Variants in SRD5A2 observed in about 807,000 individuals in gnomAD.
The protein encoded by SRD5A2 is 3-oxo-5-alpha-steroid 4-dehydrogenase 2.
In SRD5A2, 30 loss-of-function variants were observed where a neutral mutation model predicts 27.4. The observed-to-expected ratio is 1.10, with a 90% CI of 0.82 to 1.49. The LOEUF (loss-of-function observed/expected upper bound fraction) is 1.49, where lower values mean the gene tolerates loss of function less well. SRD5A2 is among the 40% of genes most tolerant of loss of function. SRD5A2 has a pLI of 0.00. For missense variants in SRD5A2, 348 were observed against 323.4 expected (o/e 1.08, Z -0.58); for synonymous variants, 141 against 133.6 (o/e 1.06, Z -0.38).
At chr2:31,583,838 C>T (rs760531452), upstream of SRD5A2, among the ~76,000 whole-genome samples, 3 of 151,940 alleles carry the variant, frequency 2.0e-5, no homozygotes, top group Non-Finnish European at 4.4e-5. Context: ...CAGATCCCTA[C>T]AAACAGAAGA....
intron 1 of SRD5A2, among the ~76,000 whole-genome samples, chr2:31,572,379 T>A (rs1666869689): frequency 1.3e-5 from 2 of 152,298 alleles, no homozygotes; most frequent in Middle Eastern, 3.4e-3. Flanking sequence ...GGTGATGAAA[T>A]AATCTGTACA....
the SRD5A2 span, among the ~76,000 whole-genome samples, chr2:31,629,467 G>A: frequency 6.6e-6 from 1 of 152,124 alleles, no homozygotes; most frequent in African/African-American, 2.4e-5. Flanking sequence ...CTTAGAATTG[G>A]AGGAAAACAC....
chr2:31,654,634 T>C, the SRD5A2 span, among the ~76,000 whole-genome samples: 1 of 152,116 alleles, frequency 6.6e-6, no homozygotes, highest in Admixed American at 6.5e-5. Flanking sequence ...TAAATAATAA[T>C]AAATGTTAAA....
chr2:31,649,860 CT>C, the SRD5A2 span, among the ~76,000 whole-genome samples: 24 of 152,028 alleles, frequency 1.6e-4, no homozygotes, highest in Non-Finnish European at 1.5e-4. Flanking sequence ...ATAAGTAAAC[CT>C]TTTACTGTAT....
intron 3 of SRD5A2, 81 bp downstream of exon 3, chr2:31,531,290 C>A: frequency 9.7e-7 from 1 of 1,034,052 alleles, no homozygotes; most frequent in South Asian, 1.5e-5. Context: ...CTCACTGTCC[C>A]CTCTCCATCT....
At chr2:31,573,101 G>C (rs189784871) in intron 1 of SRD5A2, among the ~76,000 whole-genome samples, 1 of 152,118 alleles carries the variant, frequency 6.6e-6, no homozygotes, top group African/African-American at 2.4e-5. Flanking sequence ...CCAGAAATCT[G>C]GGAACAGGCC....
At chr2:31,630,197 T>C in the SRD5A2 span, among the ~76,000 whole-genome samples, 1 of 152,166 alleles carries the variant, frequency 6.6e-6, no homozygotes, top group Non-Finnish European at 1.5e-5. Flanking sequence ...GGCCAGGGCC[T>C]TAGAACTGAT....
the SRD5A2 span, among the ~76,000 whole-genome samples, chr2:31,641,501 T>G: frequency 6.6e-6 from 1 of 152,188 alleles, no homozygotes; most frequent in Non-Finnish European, 1.5e-5. Flanking sequence ...TCTTCAGGCA[T>G]AAAGAATGTT....
At chr2:31,594,281 C>T in the SRD5A2 span, among the ~76,000 whole-genome samples, 18 of 152,216 alleles carry the variant, frequency 1.2e-4, no homozygotes, top group East Asian at 3.5e-3. Flanking sequence ...ATTCCACCAA[C>T]CAAGTATCTG....
At chr2:31,576,501 G>T (rs1666962266) in intron 1 of SRD5A2, among the ~76,000 whole-genome samples, 1 of 67,894 alleles carries the variant, frequency 1.5e-5, no homozygotes, top group African/African-American at 6.2e-5. Flanking sequence ...GAAATAACAG[G>T]TGCTGGAGAG....
At chr2:31,630,605 C>T in the SRD5A2 span, among the ~76,000 whole-genome samples, 15 of 152,256 alleles carry the variant, frequency 9.9e-5, no homozygotes, top group East Asian at 2.1e-3. Context: ...CAATCTGTAG[C>T]GGCAACTGCT....
intron 4 of SRD5A2, among the ~76,000 whole-genome samples, chr2:31,527,268 G>A (rs953789605): frequency 2.6e-4 from 40 of 152,224 alleles, no homozygotes; most frequent in African/African-American, 8.7e-4. Context: ...TGATGCTGGC[G>A]GTCCTCAAGG....
At chr2:31,660,196 C>T in the SRD5A2 span, among the ~76,000 whole-genome samples, 1 of 151,806 alleles carries the variant, frequency 6.6e-6, no homozygotes, top group Middle Eastern at 3.2e-3. Flanking sequence ...GAATTAAAAC[C>T]ACTGAGACAC....
chr2:31,641,756 A>AAT, the SRD5A2 span, among the ~76,000 whole-genome samples: 8 of 152,074 alleles, frequency 5.3e-5, no homozygotes, highest in Non-Finnish European at 1.2e-4. Context: ...GTTTGGACAG[A>AAT]ATTCAAGATC....
the SRD5A2 span, among the ~76,000 whole-genome samples, chr2:31,591,725 G>A: frequency 1.3e-4 from 17 of 132,646 alleles, no homozygotes; most frequent in South Asian, 5.5e-4. Flanking sequence ...AAGAAAATGC[G>A]GCACATATAC....
At chr2:31,544,801 C>T (rs144072597) in intron 1 of SRD5A2, among the ~76,000 whole-genome samples, 1 of 151,866 alleles carries the variant, frequency 6.6e-6, no homozygotes, top group Non-Finnish European at 1.5e-5. Flanking sequence ...GACAATTCTA[C>T]ACTTAGATTG....
intron 1 of SRD5A2, among the ~76,000 whole-genome samples, chr2:31,540,614 G>C (rs1558360401): frequency 6.6e-6 from 1 of 152,162 alleles, no homozygotes; most frequent in Non-Finnish European, 1.5e-5. Flanking sequence ...TAATTGCACT[G>C]ACAGAGTATG....
the SRD5A2 span, among the ~76,000 whole-genome samples, chr2:31,651,025 C>T: frequency 9.8e-5 from 15 of 152,312 alleles, no homozygotes; most frequent in Non-Finnish European, 2.1e-4. Flanking sequence ...CTTCTGCAGG[C>T]CAATCACCTG....
In SRD5A2 at chr2:31,580,758, G is replaced by A. The variant is rs61748122; in HGVS notation, c.143C>T (p.Pro48Leu). ...ESLKPAATRL[P>L]ARAAWFLQEL... ...CTGCAGGAACCAGGCGGCGCGGGCTGGCAGGCGGGTAGCCGCCGGCTTCAG... is the reference window on the plus strand; with the variant it reads ...CTGCAGGAACCAGGCGGCGCGGGCTAGCAGGCGGGTAGCCGCCGGCTTCAG... The change falls in exon 1 of 5, where the codon CCA (proline) becomes CTA (leucine). Residue 48 changes from proline to leucine, a missense_variant. Physicochemically the swap from Pro to Leu is moderately conservative, Grantham distance 98. Transcript: ENST00000622030. 5.6e-6 allele frequency: 9 copies of A among 1,610,266 alleles called. No homozygotes were observed. The African/African-American group carries it at 8.0e-5, about 14-fold the overall frequency.
Sources: gnomAD v4.1 joint callset for allele counts (sites outside exome capture counted in the v4.1 genomes callset) on GRCh38, gnomAD v4.1.1 for gene constraint, MANE v1.5 for transcripts, NCBI Gene and HGNC (gene_info 2026-07-23, HGNC 2026-07-21) for gene names.